KIFAP3: variants seen among roughly 807,000 people sequenced by gnomAD.
KIFAP3 encodes kinesin associated protein 3.
KIFAP3 carries 68 observed loss-of-function variants against 106.5 expected under a neutral mutation model. The ratio of observed to expected loss-of-function variants is 0.64; its 90% CI spans 0.53 to 0.78. The LOEUF (loss-of-function observed/expected upper bound fraction) is 0.78. Ranked by LOEUF, KIFAP3 falls within the 30% of genes least tolerant of loss-of-function variation. The pLI is 0.00. For missense variants in KIFAP3, 780 were observed against 941.8 expected, an observed-to-expected ratio of 0.83 and a Z score of 2.25; for synonymous variants, 320 against 311.5, an observed-to-expected ratio of 1.03 and a Z score of -0.29.
intron 1 of KIFAP3, among the ~76,000 whole-genome samples, chr1:170,066,666 G>C (rs1671460459): frequency 6.6e-6 from 1 of 152,098 alleles, no homozygotes; most frequent in African/African-American, 2.4e-5. Flanking sequence ...ATAATCACAT[G>C]AGGCTAGAGA....
At chr1:170,011,001 T>G (rs962628537) in intron 10 of KIFAP3, among the ~76,000 whole-genome samples, 1 of 151,950 alleles carries the variant, frequency 6.6e-6, no homozygotes, top group African/African-American at 2.4e-5. Flanking sequence ...TATCAAACAG[T>G]GAGTTTATTT....
At chr1:169,953,907 C>T (rs12739531) in intron 19 of KIFAP3, 104 bp downstream of exon 19, 13 of 726,930 alleles carry the variant, frequency 1.8e-5, no homozygotes, top group Admixed American at 6.4e-5. Context: ...AGGGTTTTTT[C>T]CCCCCTCTTA....
intron 10 of KIFAP3, among the ~76,000 whole-genome samples, chr1:169,992,542 A>T (rs976649825): frequency 6.6e-6 from 1 of 152,176 alleles, no homozygotes; most frequent in East Asian, 1.9e-4. Context: ...CAATATAAAA[A>T]CAATTGGGTC....
At chr1:170,065,538 CG>C (rs1671396834) in intron 1 of KIFAP3, among the ~76,000 whole-genome samples, 1 of 146,268 alleles carries the variant, frequency 6.8e-6, no homozygotes, top group Admixed American at 7.1e-5. Context: ...GGCGTGAACC[CG>C]GGAGGCGGAG....
chr1:170,041,545 C>G, intron 3 of KIFAP3: 1 of 616,216 alleles, frequency 1.6e-6, no homozygotes, highest in Non-Finnish European at 2.8e-6. Flanking sequence ...GGATACCCCT[C>G]GTAGGCATCT....
intron 1 of KIFAP3, among the ~76,000 whole-genome samples, chr1:170,067,257 G>A (rs1671491321): frequency 6.6e-6 from 1 of 152,052 alleles, no homozygotes; most frequent in African/African-American, 2.4e-5. Context: ...AAAGGTGAGA[G>A]AGAATGGGTA....
In KIFAP3 at chr1:170,003,992, G is replaced by C. The variant is rs562707131; in HGVS notation, c.1184-11737C>G. Among the ~76,000 whole-genome samples, 326 of 152,240 alleles carry C rather than the reference G, an allele frequency of 2.1e-3. 5 individuals are homozygous for C. The East Asian group carries it at 0.06, about 28-fold the overall frequency. ...TCTCAGCCCAAAATCTCCTTAAGCT[G>C]ATAAGCAACTTCAGCAAAGTCTCAG... On this transcript the variant is annotated intron_variant, in intron 10 of 19. Coordinates refer to ENST00000361580, the MANE Select transcript of KIFAP3 (RefSeq NM_014970.4).
At chr1:170,048,875 T>C (rs1297581812) in intron 2 of KIFAP3, among the ~76,000 whole-genome samples, 1 of 152,032 alleles carries the variant, frequency 6.6e-6, no homozygotes, top group African/African-American at 2.4e-5. Context: ...ACCTGGGCCC[T>C]GGATTTCAAG....
chr1:170,033,201 A>G (rs983090115), intron 7 of KIFAP3, among the ~76,000 whole-genome samples: 4 of 151,752 alleles, frequency 2.6e-5, no homozygotes, highest in African/African-American at 9.7e-5. Flanking sequence ...TCTAATTAAG[A>G]AAAGTCAAAG....
chr1:170,063,725 C>T (rs1671296469), intron 1 of KIFAP3, among the ~76,000 whole-genome samples: 1 of 152,010 alleles, frequency 6.6e-6, no homozygotes, highest in African/African-American at 2.4e-5. Flanking sequence ...ATTTTTACAT[C>T]GATACCTGAG....
intron 3 of KIFAP3, 38 bp downstream of exon 3, chr1:170,046,674 T>C: frequency 7.0e-7 from 1 of 1,419,352 alleles, no homozygotes; most frequent in South Asian, 1.7e-5. Flanking sequence ...CAAACAACTT[T>C]GGATTTGCAT....
At chr1:169,923,007 G>A in intron 19 of KIFAP3, 1 of 683,142 alleles carries the variant, frequency 1.5e-6, no homozygotes, top group South Asian at 6.6e-5. Flanking sequence ...GCGTGCTTGT[G>A]TGTATTAAGA....
intron 1 of KIFAP3, among the ~76,000 whole-genome samples, chr1:170,084,325 T>C (rs1672068892): frequency 6.6e-6 from 1 of 152,192 alleles, no homozygotes; most frequent in Non-Finnish European, 1.5e-5. Context: ...TCCTCTCCAA[T>C]AAGAGGGATT....
chr1:170,071,512 T>C (rs1206723537), intron 1 of KIFAP3, among the ~76,000 whole-genome samples: 1 of 152,246 alleles, frequency 6.6e-6, no homozygotes, highest in Non-Finnish European at 1.5e-5. Flanking sequence ...GGCATGACTC[T>C]GGCTTCCAGT....
intron 10 of KIFAP3, among the ~76,000 whole-genome samples, chr1:170,013,312 A>G (rs1177812125): frequency 6.6e-6 from 1 of 152,120 alleles, no homozygotes; most frequent in East Asian, 1.9e-4. Context: ...GAACTTATCA[A>G]AAAAGATCCT....
intron 17 of KIFAP3, among the ~76,000 whole-genome samples, chr1:169,964,830 C>CT (rs1665520848): frequency 6.6e-6 from 1 of 152,160 alleles, no homozygotes; most frequent in African/African-American, 2.4e-5. Flanking sequence ...CTGTGAACCT[C>CT]TTTAAGATTC....
chr1:169,964,606 A>C (rs1290931270), intron 17 of KIFAP3, among the ~76,000 whole-genome samples: 1 of 152,134 alleles, frequency 6.6e-6, no homozygotes, highest in Non-Finnish European at 1.5e-5. Context: ...ATCCTATCGT[A>C]TTCTCAATCA....
intron 18 of KIFAP3, among the ~76,000 whole-genome samples, chr1:169,956,654 G>T (rs543575549): frequency 7.6e-6 from 1 of 131,640 alleles, no homozygotes; most frequent in African/African-American, 2.9e-5. Context: ...TTGCTCTGTT[G>T]CATAGGCTGG....
chr1:169,995,812 A>G (rs1057446204), intron 10 of KIFAP3, among the ~76,000 whole-genome samples: 3 of 152,144 alleles, frequency 2.0e-5, no homozygotes, highest in Admixed American at 1.3e-4. Flanking sequence ...TAAAAGAACA[A>G]GAAATTCCTG....
Sources: allele counts gnomAD v4.1 joint callset (sites outside exome capture counted in the v4.1 genomes callset), GRCh38; gene constraint gnomAD v4.1.1; transcripts MANE v1.5; gene names NCBI Gene and HGNC (gene_info 2026-07-23, HGNC 2026-07-21).